LOXHD1: variants seen among roughly 807,000 people sequenced by gnomAD.
LOXHD1 encodes lipoxygenase homology PLAT domains 1.
LOXHD1 carries 205 observed loss-of-function variants against 248.2 expected under a neutral mutation model. That is an observed-to-expected ratio of 0.83 (90% CI 0.74 to 0.93). The LOEUF is 0.93. LOXHD1 is among the 40% of genes least tolerant of loss of function. The pLI is 0.00. For missense variants in LOXHD1, 2,930 were observed against 2,971.6 expected (o/e 0.99, Z 0.33); for synonymous variants, 1,113 against 1,162.8 (o/e 0.96, Z 0.87).
At chr18:46,532,633 T>C (rs558169456) in intron 28 of LOXHD1, among the ~76,000 whole-genome samples, 4 of 152,326 alleles carry the variant, frequency 2.6e-5, no homozygotes, top group Admixed American at 1.3e-4. Context: ...TGATGAAGAA[T>C]GGACGTGTTA....
At chr18:46,605,575 A>G (rs540865570) in intron 6 of LOXHD1, among the ~76,000 whole-genome samples, 12 of 152,338 alleles carry the variant, frequency 7.9e-5, no homozygotes, top group African/African-American at 2.6e-4. Context: ...TCTCTTGCAT[A>G]AAATGCAACC....
rs376131738 is a variant in LOXHD1 at position 46,509,822 on chromosome 18, G to T, written c.5400-7C>A. The T allele has an allele frequency of 1.8e-5, 27 of 1,531,496 alleles. No individual in the cohort carries two copies. The highest frequency in any genetic ancestry group is 2.4e-5 in the South Asian group (2 of 83,764). 94.9% of individuals were successfully genotyped at this position (1,531,496 alleles called of 1,614,324 possible). ...GTTCTGCTCCCGCTCAAACCTGGGG[G>T]TGGAGAGGAGGGGCATGAAGAAGGG... On this transcript the variant is annotated splice_polypyrimidine_tract_variant and splice_region_variant and intron_variant, in intron 34 of 40. Transcript: ENST00000642948.
intron 37 of LOXHD1, among the ~76,000 whole-genome samples, chr18:46,497,278 T>C (rs2033932794): frequency 6.6e-6 from 1 of 152,166 alleles, no homozygotes; most frequent in Non-Finnish European, 1.5e-5. Flanking sequence ...GGCTGGCATC[T>C]GAACAACAAT....
At chr18:46,592,144 A>C (rs576082860) in intron 11 of LOXHD1, 76 bp from the exon 12 acceptor site, 1 of 1,524,206 alleles carries the variant, frequency 6.6e-7, no homozygotes, top group Non-Finnish European at 8.9e-7. Context: ...CCATTCTGCT[A>C]TCTCATTGCA....
At chr18:46,573,176 G>A (rs2037789519) in intron 14 of LOXHD1, among the ~76,000 whole-genome samples, 1 of 152,118 alleles carries the variant, frequency 6.6e-6, no homozygotes, top group Non-Finnish European at 1.5e-5. Flanking sequence ...AATGAGAATT[G>A]CCTTCCAGGA....
At chr18:46,607,317 A>G (rs1398156164) in intron 6 of LOXHD1, among the ~76,000 whole-genome samples, 1 of 150,856 alleles carries the variant, frequency 6.6e-6, no homozygotes, top group Non-Finnish European at 1.5e-5. Context: ...ATATATATAT[A>G]CACATATATG....
At chr18:46,597,898 C>T (rs989253355) in intron 8 of LOXHD1, among the ~76,000 whole-genome samples, 38 of 150,870 alleles carry the variant, frequency 2.5e-4, no homozygotes, top group African/African-American at 1.7e-4. Context: ...CTGGGACAGG[C>T]GCCCGCCGCC....
chr18:46,596,735 A>G (rs1013864877), intron 8 of LOXHD1, among the ~76,000 whole-genome samples: 1 of 152,244 alleles, frequency 6.6e-6, no homozygotes, highest in Admixed American at 6.5e-5. Flanking sequence ...AAGCAGGAGA[A>G]TACCAAAAAC....
At chr18:46,495,027 T>C (rs1303991568) in intron 37 of LOXHD1, among the ~76,000 whole-genome samples, 1 of 151,790 alleles carries the variant, frequency 6.6e-6, no homozygotes, top group Non-Finnish European at 1.5e-5. Flanking sequence ...CTTTTTTTGT[T>C]TTGTTTTGTT....
intron 5 of LOXHD1, among the ~76,000 whole-genome samples, chr18:46,616,487 G>A (rs2038589282): frequency 6.6e-6 from 1 of 152,134 alleles, no homozygotes; most frequent in Admixed American, 6.5e-5. Context: ...TTCATGCGCT[G>A]ATGTTAGTCA....
intron 28 of LOXHD1, among the ~76,000 whole-genome samples, chr18:46,531,688 C>T (rs1003160380): frequency 2.0e-5 from 3 of 152,228 alleles, no homozygotes; most frequent in African/African-American, 7.2e-5. Flanking sequence ...CTCCTCCCTC[C>T]CCGTCCCACC....
chr18:46,522,425 G>C, intron 31 of LOXHD1, 116 bp from the exon 32 acceptor site: 1 of 802,788 alleles, frequency 1.2e-6, no homozygotes, highest in Non-Finnish European at 2.0e-6. Flanking sequence ...TCCTTGCTCA[G>C]AGACAAAGTG....
chr18:46,503,576 A>C (rs934115914), intron 37 of LOXHD1, among the ~76,000 whole-genome samples: 2 of 152,166 alleles, frequency 1.3e-5, no homozygotes, highest in Non-Finnish European at 2.9e-5. Context: ...TCCTAAGACA[A>C]TCAGAATGGA....
chr18:46,615,178 C>T (rs931835135), intron 5 of LOXHD1, among the ~76,000 whole-genome samples: 1 of 152,156 alleles, frequency 6.6e-6, no homozygotes, highest in Non-Finnish European at 1.5e-5. Flanking sequence ...CAGAAGAGGA[C>T]CAAAGGCAAA....
In LOXHD1 at chr18:46,577,784, G is replaced by A. The variant is rs375920647; in HGVS notation, c.1893C>T (p.Ser631=). ...RIRHDGKGSG[S]GWYLDRVLVR... Reference sequence around the variant, plus strand: ...CCAGCACTCTGTCCAGGTACCAGCCGCTGCCGGAGCCTTTGCCATCGTGTC... The same window carrying A: ...CCAGCACTCTGTCCAGGTACCAGCCACTGCCGGAGCCTTTGCCATCGTGTC... The change falls in exon 14 of 41, where the codon AGC becomes AGT. Residue 631 remains serine (S), a synonymous_variant. Coordinates refer to ENST00000642948, the MANE Select transcript of LOXHD1 (RefSeq NM_001384474.1). 223 of 1,551,594 alleles carry A rather than the reference G, an allele frequency of 1.4e-4. 1 individual carries two copies. The highest frequency in any genetic ancestry group is 1.3e-3 in the Middle Eastern group (8 of 5,992).
intron 27 of LOXHD1, chr18:46,533,619 T>C: frequency 2.7e-6 from 1 of 366,812 alleles, no homozygotes; most frequent in Non-Finnish European, 5.1e-6. Flanking sequence ...GGGGGTGCTC[T>C]GTATTTAAAA....
At chr18:46,620,215 G>T (rs1568220252) in intron 4 of LOXHD1, among the ~76,000 whole-genome samples, 1 of 152,184 alleles carries the variant, frequency 6.6e-6, no homozygotes, top group African/African-American at 2.4e-5. Flanking sequence ...TCTCCTCCCT[G>T]GCTGGCAGTG....
intron 6 of LOXHD1, 78 bp from the exon 7 acceptor site, chr18:46,604,307 A>G (rs1319900774): frequency 6.6e-7 from 1 of 1,520,416 alleles, no homozygotes; most frequent in African/African-American, 1.4e-5. Flanking sequence ...CAATCTTCCA[A>G]TCACTTGAGT....
intron 37 of LOXHD1, among the ~76,000 whole-genome samples, chr18:46,495,021 T>G (rs923636053): frequency 6.6e-5 from 10 of 150,832 alleles, no homozygotes; most frequent in African/African-American, 2.2e-4. Flanking sequence ...GCCCGGCTTT[T>G]TTTGTTTTGT....
Sources: allele counts gnomAD v4.1 joint callset (sites outside exome capture counted in the v4.1 genomes callset), GRCh38; gene constraint gnomAD v4.1.1; transcripts MANE v1.5; gene names NCBI Gene and HGNC (gene_info 2026-07-23, HGNC 2026-07-21).